PRKCB: variants seen among roughly 807,000 people sequenced by gnomAD.
The protein encoded by PRKCB is protein kinase C beta type.
Under a neutral mutation model 81.5 loss-of-function variants are expected in PRKCB, and 13 were observed. The ratio of observed to expected loss-of-function variants is 0.16; its 90% CI spans 0.10 to 0.25. The LOEUF (loss-of-function observed/expected upper bound fraction) is 0.25, where lower values mean the gene tolerates loss of function less well. Ranked by LOEUF, PRKCB falls within the 10% of genes least tolerant of loss-of-function variation. The pLI is 1.00. For missense variants in PRKCB, 509 were observed against 875.7 expected (o/e 0.58, Z 5.29); for synonymous variants, 335 against 321.4 (o/e 1.04, Z -0.45).
intron 9 of PRKCB, among the ~76,000 whole-genome samples, chr16:24,131,291 A>G (rs966101440): frequency 1.3e-5 from 2 of 152,254 alleles, no homozygotes; most frequent in African/African-American, 4.8e-5. Context: ...AGACAGAACC[A>G]TTAAGCTTCC....
chr16:24,059,444 GC>G (rs1331183459), intron 5 of PRKCB, among the ~76,000 whole-genome samples: 1 of 151,996 alleles, frequency 6.6e-6, no homozygotes, highest in Non-Finnish European at 1.5e-5. Flanking sequence ...GATCGCTTGA[GC>G]CCAGGAGTTC....
chr16:24,098,235 T>C (rs1260850160), intron 7 of PRKCB: 1 of 152,206 alleles, frequency 6.6e-6, no homozygotes, highest in Non-Finnish European at 1.5e-5. Flanking sequence ...ATAAGATAGA[T>C]AATGGGCATT....
intron 16 of PRKCB, among the ~76,000 whole-genome samples, chr16:24,199,398 T>A (rs1004462557): frequency 6.6e-6 from 1 of 152,080 alleles, no homozygotes; most frequent in African/African-American, 2.4e-5. Flanking sequence ...TAAGTGCCTC[T>A]GTGTGTGTGT....
intron 2 of PRKCB, among the ~76,000 whole-genome samples, chr16:23,888,668 T>TCTGC (rs200616794): frequency 7.4e-6 from 1 of 134,872 alleles, no homozygotes; most frequent in African/African-American, 4.0e-5. Flanking sequence ...CCTCGTCATG[T>TCTGC]TTCTCGACCA....
At chr16:23,883,714 A>G (rs1304245646) in intron 2 of PRKCB, among the ~76,000 whole-genome samples, 2 of 152,234 alleles carry the variant, frequency 1.3e-5, no homozygotes, top group East Asian at 3.9e-4. Flanking sequence ...TTACTGGTAA[A>G]TGGGATATGA....
intron 9 of PRKCB, among the ~76,000 whole-genome samples, chr16:24,143,326 T>A (rs186351998): frequency 0.096 from 14,653 of 151,974 alleles, 758 homozygotes; most frequent in East Asian, 0.2. Context: ...AGAGACGGGG[T>A]TTCACCATGT....
At chr16:23,955,698 A>G (rs1157105909) in intron 2 of PRKCB, among the ~76,000 whole-genome samples, 2 of 152,170 alleles carry the variant, frequency 1.3e-5, no homozygotes, top group Admixed American at 6.5e-5. Flanking sequence ...TTCTCCCACC[A>G]TGGGCGAGAC....
intron 3 of PRKCB, among the ~76,000 whole-genome samples, chr16:24,000,457 C>T (rs894929531): frequency 6.6e-6 from 1 of 152,126 alleles, no homozygotes; most frequent in African/African-American, 2.4e-5. Flanking sequence ...TTGATTCTGC[C>T]CAGATACTCA....
chr16:23,919,169 C>G (rs946945500), intron 2 of PRKCB, among the ~76,000 whole-genome samples: 1 of 152,168 alleles, frequency 6.6e-6, no homozygotes. Flanking sequence ...GAGCCTTCAT[C>G]ACAGTGTGAT....
chr16:24,041,416 A>G (rs1965696355), intron 5 of PRKCB, among the ~76,000 whole-genome samples: 1 of 152,058 alleles, frequency 6.6e-6, no homozygotes, highest in African/African-American at 2.4e-5. Context: ...ACTGACATCT[A>G]TTATTTATAC....
chr16:23,942,860 A>C (rs749909109), intron 2 of PRKCB, among the ~76,000 whole-genome samples: 9 of 152,122 alleles, frequency 5.9e-5, no homozygotes, highest in Non-Finnish European at 1.0e-4. Context: ...GTCTGCCCCT[A>C]GTCTGGTTCA....
intron 3 of PRKCB, among the ~76,000 whole-genome samples, chr16:24,025,250 A>G (rs1301105380): frequency 1.3e-5 from 2 of 152,212 alleles, no homozygotes; most frequent in Non-Finnish European, 2.9e-5. Flanking sequence ...GCAGCCCTAC[A>G]GCTGTCACAA....
chr16:23,886,665 G>T (rs1480280197), intron 2 of PRKCB, among the ~76,000 whole-genome samples: 1 of 151,998 alleles, frequency 6.6e-6, no homozygotes, highest in Non-Finnish European at 1.5e-5. Flanking sequence ...GGCCTGCCTT[G>T]GCCTCCCGAA....
At position 23,988,502 on chromosome 16, in the gene PRKCB, T is replaced by C. The variant is rs1964829930; in HGVS notation, c.206-6T>C. Reference sequence around the variant, plus strand: ...CTTCCTCCCACCCTGATTTTCTCTTTTGCAGTTTGCTGCTTTGTGGTGCAC... The same window carrying C: ...CTTCCTCCCACCCTGATTTTCTCTTCTGCAGTTTGCTGCTTTGTGGTGCAC... On this transcript the variant is annotated splice_polypyrimidine_tract_variant and splice_region_variant and intron_variant, in intron 2 of 16. Transcript: ENST00000643927. 6.2e-7 allele frequency: 1 copy of C among 1,613,718 alleles called. No homozygotes were observed. The highest frequency in any genetic ancestry group is 1.3e-5 in the African/African-American group (1 of 74,936).
At chr16:23,967,012 A>ATT (rs3043607) in intron 2 of PRKCB, among the ~76,000 whole-genome samples, 8,460 of 147,256 alleles carry the variant, frequency 0.057, 670 homozygotes, top group African/African-American at 0.18. Context: ...AGTGGTTTCC[A>ATT]TTTTTTTTTT....
chr16:23,959,532 G>GCGCCT (rs1395424664), intron 2 of PRKCB, among the ~76,000 whole-genome samples: 1 of 152,246 alleles, frequency 6.6e-6, no homozygotes, highest in Non-Finnish European at 1.5e-5. Context: ...TGGAGAGGCA[G>GCGCCT]CGCCTCGCAG....
chr16:23,980,143 G>A (rs1313178036), intron 2 of PRKCB, among the ~76,000 whole-genome samples: 1 of 152,226 alleles, frequency 6.6e-6, no homozygotes, highest in African/African-American at 2.4e-5. Flanking sequence ...TGAGGCTCAG[G>A]TTAAGCACGG....
chr16:23,841,775 C>T (rs1467902363), intron 2 of PRKCB, among the ~76,000 whole-genome samples: 1 of 149,844 alleles, frequency 6.7e-6, no homozygotes, highest in Non-Finnish European at 1.5e-5. Flanking sequence ...CGTGCCTCAG[C>T]CTCTTGAGTA....
intron 2 of PRKCB, among the ~76,000 whole-genome samples, chr16:23,918,234 T>G (rs1963772134): frequency 6.6e-6 from 1 of 151,736 alleles, no homozygotes; most frequent in South Asian, 2.1e-4. Flanking sequence ...GCAGTGGGGG[T>G]TTCTATGGGA....
Sources: allele counts gnomAD v4.1 joint callset (sites outside exome capture counted in the v4.1 genomes callset), GRCh38; gene constraint gnomAD v4.1.1; transcripts MANE v1.5; gene names NCBI Gene and HGNC (gene_info 2026-07-23, HGNC 2026-07-21).